The following PCDHA4 variants were observed in gnomAD, a reference collection of about 807,000 sequenced individuals.
PCDHA4 encodes the protein protocadherin alpha 4.
A neutral mutation model predicts 61.4 loss-of-function variants in PCDHA4; 49 were observed. The ratio of observed to expected loss-of-function variants is 0.80; its 90% CI spans 0.63 to 1.01. The LOEUF (loss-of-function observed/expected upper bound fraction) is 1.01, where lower values mean the gene tolerates loss of function less well. PCDHA4 is among the 50% of genes least tolerant of loss of function. The pLI, the probability that PCDHA4 is intolerant of heterozygous loss-of-function variation, is 0.00. For missense variants in PCDHA4, 1,254 were observed against 1,235.8 expected, an observed-to-expected ratio of 1.01 and a Z score of -0.22; for synonymous variants, 590 against 550.3, an observed-to-expected ratio of 1.07 and a Z score of -1.01.
In PCDHA4 at chr5:140,821,608, T is replaced by C. The variant is rs1767011676; in HGVS notation, c.2385+12036T>C. ...CCTTCCCAGCCTCAAAGGAATACAG[T>C]GAGTAGATTTTCCTTAGACAGAAAG... On this transcript the variant is annotated intron_variant, in intron 1 of 3. Transcript: ENST00000530339. The C allele has an allele frequency of 6.6e-6, 5 of 759,916 alleles. No individual in the cohort carries two copies. The South Asian group carries it at 8.7e-5, about 13-fold the overall frequency. The allele number at this position is 759,916 out of a possible 1,614,324, so 47.1% of individuals were successfully genotyped here. A position where few individuals can be genotyped will look rare whatever the true frequency, so the allele number is the denominator to read the frequency against.
intron 1 of PCDHA4, chr5:140,875,879 G>A: frequency 6.2e-7 from 1 of 1,614,214 alleles, no homozygotes. Context: ...TTCAGAGAAA[G>A]GGAACAAAAG....
chr5:140,815,673 C>A (rs2126666211), intron 1 of PCDHA4: 1 of 152,054 alleles, frequency 6.6e-6, no homozygotes, highest in Non-Finnish European at 1.5e-5. Flanking sequence ...TACTAGTGAG[C>A]TTTATACTTT....
rs2150467909 is a variant in PCDHA4, at chr5:140,850,110, G to A, written c.2385+40538G>A. The A allele has an allele frequency of 3.1e-6, 5 of 1,596,146 alleles. No individual in the cohort carries two copies. The East Asian group carries it at 8.9e-5, about 28-fold the overall frequency. Reference sequence around the variant, plus strand: ...GCTACAGTTCCAGGTGAGCGCGCGCGACGCGGGCGTGCCGCCTCTGGGCAG... The same window carrying A: ...GCTACAGTTCCAGGTGAGCGCGCGCAACGCGGGCGTGCCGCCTCTGGGCAG... On this transcript the variant is annotated intron_variant, in intron 1 of 3. Coordinates refer to ENST00000530339, the MANE Select transcript of PCDHA4 (RefSeq NM_018907.4).
intron 1 of PCDHA4, among the ~76,000 whole-genome samples, chr5:140,972,284 T>A (rs113618936): frequency 3.6e-4 from 55 of 150,874 alleles, no homozygotes; most frequent in African/African-American, 1.3e-3. Context: ...GGACCATAGA[T>A]GTGCGCCACC....
intron 1 of PCDHA4, chr5:140,870,456 G>T (rs782212198): frequency 6.2e-7 from 1 of 1,614,230 alleles, no homozygotes. Context: ...ACGACAATGC[G>T]CCTGCGTTCG....
chr5:140,816,075 T>C (rs1464716932), intron 1 of PCDHA4: 1 of 152,232 alleles, frequency 6.6e-6, no homozygotes, highest in African/African-American at 2.4e-5. Context: ...AGATGTAATT[T>C]TAAAAAATAA....
chr5:140,933,539 G>A (rs1173969458), intron 1 of PCDHA4, among the ~76,000 whole-genome samples: 1 of 152,018 alleles, frequency 6.6e-6, no homozygotes, highest in Non-Finnish European at 1.5e-5. Flanking sequence ...TCAAAATAAT[G>A]TTAATATAAA....
At chr5:140,918,051 A>C (rs782531005) in intron 1 of PCDHA4, among the ~76,000 whole-genome samples, 4 of 151,984 alleles carry the variant, frequency 2.6e-5, no homozygotes, top group Admixed American at 2.0e-4. Flanking sequence ...CATTTGTTTT[A>C]TCATCTCTGA....
At chr5:140,809,636 A>G in intron 1 of PCDHA4, 64 bp downstream of exon 1, 2 of 1,502,950 alleles carry the variant, frequency 1.3e-6, no homozygotes, top group Non-Finnish European at 1.8e-6. Flanking sequence ...TTCTTCGTAA[A>G]TTTATTTCTA....
At chr5:140,836,276 C>T (rs2150256592) in intron 1 of PCDHA4, 3 of 1,613,790 alleles carry the variant, frequency 1.9e-6, no homozygotes, top group East Asian at 2.2e-5. Flanking sequence ...CTGGTGAGAT[C>T]AGCACGACAC....
At chr5:140,954,807 T>TGAAAATGCTTTAGGCACTTTTGTC (rs2095090008) in intron 1 of PCDHA4, among the ~76,000 whole-genome samples, 1 of 152,248 alleles carries the variant, frequency 6.6e-6, no homozygotes, top group Admixed American at 6.5e-5. Flanking sequence ...TTGCTTTTGT[T>TGAAAATGCTTTAGGCACTTTTGTC]GAAATTGCTT....
chr5:141,004,897 G>T (rs1455115465), intron 3 of PCDHA4, among the ~76,000 whole-genome samples: 1 of 152,154 alleles, frequency 6.6e-6, no homozygotes, highest in Non-Finnish European at 1.5e-5. Context: ...TGTCAGCTCT[G>T]CCAGGGTGTA....
chr5:140,993,694 T>C (rs1192686372), intron 3 of PCDHA4, among the ~76,000 whole-genome samples: 1 of 152,186 alleles, frequency 6.6e-6, no homozygotes, highest in African/African-American at 2.4e-5. Flanking sequence ...TCCCATAAGA[T>C]TGTAATACCA....
chr5:140,905,437 C>T (rs190555934), intron 1 of PCDHA4, among the ~76,000 whole-genome samples: 1 of 152,130 alleles, frequency 6.6e-6, no homozygotes, highest in Non-Finnish European at 1.5e-5. Flanking sequence ...ATAACTACAG[C>T]CTTTTAGTAT....
intron 1 of PCDHA4, chr5:140,966,746 C>T: frequency 1.4e-6 from 2 of 1,425,932 alleles, no homozygotes; most frequent in Non-Finnish European, 1.8e-6. Context: ...TGCCCGGCTG[C>T]CTCCGCCGCG....
intron 1 of PCDHA4, 187 bp downstream of exon 1, chr5:140,809,759 A>C: frequency 4.9e-6 from 3 of 606,938 alleles, no homozygotes; most frequent in South Asian, 4.9e-5. Flanking sequence ...CCTTCATTTT[A>C]TGCTGCATTA....
At chr5:140,876,768 G>A (rs2056572417) in intron 1 of PCDHA4, 3 of 1,614,212 alleles carry the variant, frequency 1.9e-6, no homozygotes, top group Non-Finnish European at 2.5e-6. Flanking sequence ...ATGGGGGCTC[G>A]CCTTCGCTGT....
chr5:140,808,569 C>T lies in PCDHA4; in HGVS notation c.1382C>T (p.Thr461Ile). The T allele has an allele frequency of 6.2e-7, 1 of 1,614,078 alleles. No individual in the cohort carries two copies. The highest frequency in any genetic ancestry group is 1.1e-5 in the South Asian group (1 of 91,082). The part of the protein sequence containing the change: ...NAPAFAQPEY[T>I]VFVKENNPPG... Reference sequence around the variant, plus strand: ...CCGGCGTTCGCGCAGCCCGAGTACACAGTGTTCGTGAAGGAGAACAACCCG... The same window carrying T: ...CCGGCGTTCGCGCAGCCCGAGTACATAGTGTTCGTGAAGGAGAACAACCCG... Residue 461 changes from threonine (T) to isoleucine (I), a missense_variant, in exon 1 of 4, where the codon ACA becomes ATA. Transcript: ENST00000530339.
intron 1 of PCDHA4, chr5:140,870,171 C>T: frequency 6.2e-7 from 1 of 1,614,140 alleles, no homozygotes; most frequent in East Asian, 2.2e-5. Context: ...CCTTGTCCCT[C>T]CCAGTACGAG....
Sources: gnomAD v4.1 joint callset for allele counts (sites outside exome capture counted in the v4.1 genomes callset) on GRCh38, gnomAD v4.1.1 for gene constraint, MANE v1.5 for transcripts, NCBI Gene and HGNC (gene_info 2026-07-23, HGNC 2026-07-21) for gene names.